SLC26A8: variants seen among roughly 807,000 people sequenced by gnomAD.
SLC26A8 encodes the protein solute carrier family 26 member 8.
A neutral mutation model predicts 105.0 loss-of-function variants in SLC26A8; 70 were observed. The observed-to-expected ratio is 0.67, with a 90% CI of 0.55 to 0.81. The LOEUF (loss-of-function observed/expected upper bound fraction) is 0.81. Among genes scored for constraint, SLC26A8 ranks in the 40% least tolerant of loss-of-function variants. The pLI is 0.00. For missense variants in SLC26A8, 998 were observed against 1,181.8 expected, an observed-to-expected ratio of 0.84 and a Z score of 2.28; for synonymous variants, 415 against 438.3, an observed-to-expected ratio of 0.95 and a Z score of 0.66.
chr6:36,022,575 T>G (rs964092013), intron 1 of SLC26A8, among the ~76,000 whole-genome samples: 1 of 152,076 alleles, frequency 6.6e-6, no homozygotes, highest in East Asian at 1.9e-4. Context: ...AAACAGCCAA[T>G]TGGAGACCAT....
intron 11 of SLC26A8, among the ~76,000 whole-genome samples, chr6:35,963,683 T>C (rs550933530): frequency 1.3e-5 from 2 of 152,278 alleles, no homozygotes; most frequent in East Asian, 1.9e-4. Flanking sequence ...ACAAGACCCA[T>C]GGGAGCTGGT....
At chr6:36,014,343 G>A (rs932582838) in intron 2 of SLC26A8, among the ~76,000 whole-genome samples, 2 of 152,128 alleles carry the variant, frequency 1.3e-5, no homozygotes, top group Non-Finnish European at 2.9e-5. Flanking sequence ...AACTAAGGAG[G>A]GAATTAGAGG....
chr6:35,996,068 A>AT (rs1280764464), intron 5 of SLC26A8, among the ~76,000 whole-genome samples: 3 of 152,124 alleles, frequency 2.0e-5, no homozygotes, highest in Non-Finnish European at 2.9e-5. Context: ...CTTTGCATGC[A>AT]TTTTTTTCAC....
intron 17 of SLC26A8, chr6:35,954,798 AG>A (rs1371144171): frequency 8.6e-6 from 2 of 233,562 alleles, no homozygotes; most frequent in Non-Finnish European, 8.5e-6. Flanking sequence ...TACAAAAATT[AG>A]CAGGGCGTAG....
chr6:35,970,153 A>G (rs1403253795), intron 10 of SLC26A8, among the ~76,000 whole-genome samples: 2 of 152,200 alleles, frequency 1.3e-5, no homozygotes, highest in African/African-American at 4.8e-5. Flanking sequence ...CAGAAAAGCA[A>G]GAACTGAGGG....
chr6:35,969,469 G>A, intron 10 of SLC26A8: 1 of 154,316 alleles, frequency 6.5e-6, no homozygotes, highest in Non-Finnish European at 1.4e-5. Context: ...TTGGTGGTGT[G>A]TGCCTGTAAT....
rs775679963 is a variant in SLC26A8, at chr6:35,975,510, T to C, written c.1174-22A>G. ...AATCCTGTAAAGAAACAGCAGATGC[T>C]TTAGGCCCCCGTTTTTGTTGAAGAA... On this transcript the variant is annotated intron_variant, in intron 9 of 19. Coordinates refer to ENST00000490799, the MANE Select transcript of SLC26A8 (RefSeq NM_052961.4). The C allele has an allele frequency of 3.4e-6, 5 of 1,479,492 alleles. No individual in the cohort carries two copies. In the South Asian group the frequency reaches 3.5e-5, roughly 10 times the overall value. 91.6% of individuals were successfully genotyped at this position (1,479,492 alleles called of 1,614,324 possible). A position where few individuals can be genotyped will look rare whatever the true frequency, so the allele number is the denominator to read the frequency against.
intron 17 of SLC26A8, among the ~76,000 whole-genome samples, chr6:35,953,520 G>A (rs909056111): frequency 3.9e-5 from 6 of 152,174 alleles, no homozygotes; most frequent in Admixed American, 2.6e-4. Context: ...AGTCTGGCAC[G>A]TAGTAGACAC....
intron 5 of SLC26A8, among the ~76,000 whole-genome samples, chr6:35,993,180 A>G (rs1435053023): frequency 3.7e-4 from 10 of 26,988 alleles, no homozygotes; most frequent in South Asian, 1.9e-3. Context: ...TTTTTTTGAT[A>G]GAGATTGGAG....
intron 3 of SLC26A8, among the ~76,000 whole-genome samples, chr6:36,007,485 A>C (rs1761722739): frequency 6.6e-6 from 1 of 152,252 alleles, no homozygotes; most frequent in Admixed American, 6.5e-5. Flanking sequence ...ATAATCATGG[A>C]TTGGAAGACA....
At chr6:35,966,705 GGAA>G (rs1478926747) in intron 11 of SLC26A8, among the ~76,000 whole-genome samples, 1 of 152,142 alleles carries the variant, frequency 6.6e-6, no homozygotes, top group African/African-American at 2.4e-5. Context: ...TTTCAAGAAA[GGAA>G]GAAGTCATTT....
chr6:35,952,491 A>C (rs879834172), intron 17 of SLC26A8, among the ~76,000 whole-genome samples: 1 of 152,240 alleles, frequency 6.6e-6, no homozygotes, highest in Non-Finnish European at 1.5e-5. Flanking sequence ...ATCGACTTTA[A>C]TACTTAAGAC....
At chr6:35,951,592 T>C in intron 17 of SLC26A8, 93 bp from the exon 18 acceptor site, 1 of 1,416,504 alleles carries the variant, frequency 7.1e-7, no homozygotes, top group Non-Finnish European at 9.9e-7. Context: ...TTTGTTTTGG[T>C]TTTTTGTGAC....
chr6:35,955,579 T>G, intron 16 of SLC26A8, 59 bp from the exon 17 acceptor site: 1 of 1,574,008 alleles, frequency 6.4e-7, no homozygotes, highest in South Asian at 1.2e-5. Flanking sequence ...CCGGAAGGAC[T>G]TGCAACGATG....
In SLC26A8 at chr6:36,021,751, T is replaced by C. The variant is rs143835711; in HGVS notation, c.-2-2042A>G. Among the ~76,000 whole-genome samples the C allele has an allele frequency of 3.7e-4, 57 of 152,250 alleles. 1 individual carries two copies. In the East Asian group the frequency reaches 0.01, roughly 27 times the overall value. Reference sequence around the variant, plus strand: ...TAAATGTTGTCAATTACTTTACATATGTTTACGTATACATATAAATATATA... The same window carrying C: ...TAAATGTTGTCAATTACTTTACATACGTTTACGTATACATATAAATATATA... On this transcript the variant is annotated intron_variant, in intron 1 of 19. Coordinates refer to ENST00000490799, the MANE Select transcript of SLC26A8 (RefSeq NM_052961.4).
chr6:35,988,726 A>C (rs1332541607), intron 7 of SLC26A8, among the ~76,000 whole-genome samples: 3 of 152,128 alleles, frequency 2.0e-5, no homozygotes, highest in Non-Finnish European at 4.4e-5. Flanking sequence ...CACAGATTAG[A>C]AAAAACATTT....
chr6:36,001,864 A>G (rs150178871), intron 3 of SLC26A8, among the ~76,000 whole-genome samples: 22 of 152,358 alleles, frequency 1.4e-4, no homozygotes, highest in Non-Finnish European at 2.4e-4. Context: ...GTGAGCCTGG[A>G]AGCAGATCCT....
In SLC26A8 at chr6:35,975,392, A is replaced by T. The variant is rs1462399075; in HGVS notation, c.1270T>A (p.Ser424Thr). The part of the protein sequence containing the change: ...AIARTIIQDK[S>T]GGRQQFASLV... The stretch of plus-strand genomic sequence containing the variant: ...CAACATACCTGTTGTCTTCCTCCAG[A>T]TTTATCCTGGATAATAGTCCTAGCA... The change falls in exon 10 of 20, where the codon TCT becomes ACT. Residue 424 changes from serine to threonine, a missense_variant. Ser to Thr is a moderately conservative substitution (Grantham distance 58, BLOSUM62 1). Coordinates refer to ENST00000490799, the MANE Select transcript of SLC26A8 (RefSeq NM_052961.4). The T allele has an allele frequency of 6.2e-7, 1 of 1,606,086 alleles. No individual in the cohort carries two copies. The highest frequency in any genetic ancestry group is 8.5e-7 in the Non-Finnish European group (1 of 1,174,662).
intron 3 of SLC26A8, among the ~76,000 whole-genome samples, chr6:36,002,073 T>C (rs1053027769): frequency 2.0e-5 from 3 of 152,230 alleles, no homozygotes; most frequent in Non-Finnish European, 4.4e-5. Flanking sequence ...TTGTAATCTA[T>C]AGGATTTTTT....
Sources: allele counts gnomAD v4.1 joint callset (sites outside exome capture counted in the v4.1 genomes callset), GRCh38; gene constraint gnomAD v4.1.1; transcripts MANE v1.5; gene names NCBI Gene and HGNC (gene_info 2026-07-23, HGNC 2026-07-21).